The following LRRC37A2 variants were observed in gnomAD, a reference collection of about 807,000 sequenced individuals.
LRRC37A2 encodes the protein leucine rich repeat containing 37 member A2.
In LRRC37A2, 9 loss-of-function variants were observed where a neutral mutation model predicts 68.8. The ratio of observed to expected loss-of-function variants is 0.13; its 90% CI spans 0.08 to 0.23. The LOEUF is 0.23. LRRC37A2 is among the 10% of genes least tolerant of loss of function. LRRC37A2 has a pLI of 1.00. For missense variants in LRRC37A2, 168 were observed against 950.4 expected (o/e 0.18, Z 10.82); for synonymous variants, 63 against 367.6 (o/e 0.17, Z 9.48).
At chr17:46,993,737 C>T in the LRRC37A2 span, among the ~76,000 whole-genome samples, 1 of 152,210 alleles carries the variant, frequency 6.6e-6, no homozygotes, top group African/African-American at 2.4e-5. Context: ...TTCAAGTCTT[C>T]GTGGGGCTGC....
At chr17:46,731,062 A>G in the LRRC37A2 span, among the ~76,000 whole-genome samples, 1 of 152,200 alleles carries the variant, frequency 6.6e-6, no homozygotes, top group African/African-American at 2.4e-5. Context: ...TGTCCACATG[A>G]AAGCTTGTAT....
chr17:46,704,830 T>C, the LRRC37A2 span: 3 of 1,602,840 alleles, frequency 1.9e-6, no homozygotes, highest in South Asian at 3.4e-5. Flanking sequence ...ACTTCCTTGC[T>C]TCTTTGGAGA....
the LRRC37A2 span, among the ~76,000 whole-genome samples, chr17:46,867,531 C>T: frequency 6.6e-6 from 1 of 152,252 alleles, no homozygotes; most frequent in African/African-American, 2.4e-5. Flanking sequence ...CCTTGGGCCC[C>T]ACTCTCCAGG....
the LRRC37A2 span, among the ~76,000 whole-genome samples, chr17:46,893,100 A>C: frequency 6.6e-6 from 1 of 151,992 alleles, no homozygotes; most frequent in Non-Finnish European, 1.5e-5. Flanking sequence ...TGCCTGGCTA[A>C]TTTTTGTATT....
At chr17:46,790,177 G>A in the LRRC37A2 span, among the ~76,000 whole-genome samples, 38 of 152,158 alleles carry the variant, frequency 2.5e-4, no homozygotes, top group African/African-American at 7.9e-4. Context: ...CCATTCCTCC[G>A]CAGGCTCCTT....
chr17:46,568,530 C>T, the LRRC37A2 span, among the ~76,000 whole-genome samples: 3 of 102,894 alleles, frequency 2.9e-5, no homozygotes, highest in East Asian at 7.4e-4. Flanking sequence ...GGAGGCCAGG[C>T]GAGGTGGCTC....
At chr17:46,982,585 C>G in the LRRC37A2 span, among the ~76,000 whole-genome samples, 1 of 152,200 alleles carries the variant, frequency 6.6e-6, no homozygotes, top group Non-Finnish European at 1.5e-5. Flanking sequence ...TACTTAAGAT[C>G]ACGCAGCTAG....
chr17:46,779,101 A>ACACACACACACACACACACACC, the LRRC37A2 span, among the ~76,000 whole-genome samples: 1 of 139,974 alleles, frequency 7.1e-6, no homozygotes, highest in Non-Finnish European at 1.5e-5. Context: ...ACACACACAC[A>ACACACACACACACACACACACC]CACCCCAGCC....
intron 8 of LRRC37A2, among the ~76,000 whole-genome samples, chr17:46,545,814 G>C (rs1259011304): frequency 6.7e-5 from 10 of 149,390 alleles, no homozygotes; most frequent in Non-Finnish European, 1.5e-4. Context: ...TTTTAACTCC[G>C]CAATCCAGGT....
At chr17:46,497,412 T>G in the LRRC37A2 span, among the ~76,000 whole-genome samples, 4 of 146,650 alleles carry the variant, frequency 2.7e-5, no homozygotes, top group Non-Finnish European at 4.4e-5. Flanking sequence ...TAACTGAATA[T>G]TTTTTAGTGT....
chr17:46,962,621 C>T, the LRRC37A2 span, among the ~76,000 whole-genome samples: 36 of 152,296 alleles, frequency 2.4e-4, no homozygotes, highest in African/African-American at 6.7e-4. Context: ...GAGGAAATGC[C>T]ATGAGTTGAT....
the LRRC37A2 span, chr17:47,019,633 A>G: frequency 1.4e-6 from 2 of 1,432,840 alleles, no homozygotes; most frequent in East Asian, 4.5e-5. Context: ...ATCCAAGATA[A>G]GGCTTTAACT....
the LRRC37A2 span, among the ~76,000 whole-genome samples, chr17:46,896,474 A>AAGAAAGAAAGAC: frequency 7.6e-6 from 1 of 131,034 alleles, no homozygotes; most frequent in African/African-American, 3.9e-5. Flanking sequence ...GAAAGAAAGA[A>AAGAAAGAAAGAC]AGACAGACCA....
At chr17:46,970,480 C>T in the LRRC37A2 span, among the ~76,000 whole-genome samples, 1 of 138,674 alleles carries the variant, frequency 7.2e-6, no homozygotes, top group Non-Finnish European at 1.5e-5. Flanking sequence ...GCACAGGTTG[C>T]AGCAAGCCGA....
chr17:46,456,210 A>ATGTGTG, the LRRC37A2 span, among the ~76,000 whole-genome samples: 340 of 90,368 alleles, frequency 3.8e-3, no homozygotes, highest in East Asian at 0.023. Flanking sequence ...TCCATGGGAT[A>ATGTGTG]TGTGTGTGTG....
chr17:47,007,596 C>T, the LRRC37A2 span, among the ~76,000 whole-genome samples: 1 of 152,178 alleles, frequency 6.6e-6, no homozygotes, highest in African/African-American at 2.4e-5. Flanking sequence ...TCTGGAAAAT[C>T]AGATACATCA....
chr17:46,837,199 C>CG, the LRRC37A2 span, among the ~76,000 whole-genome samples: 2 of 152,126 alleles, frequency 1.3e-5, no homozygotes, highest in African/African-American at 4.8e-5. Flanking sequence ...CCGCGGCCCC[C>CG]CAAAGTGCTG....
the LRRC37A2 span, among the ~76,000 whole-genome samples, chr17:46,852,012 T>G: frequency 6.6e-6 from 1 of 151,972 alleles, no homozygotes; most frequent in Non-Finnish European, 1.5e-5. Flanking sequence ...CCTCGGACCC[T>G]GGCCCCGTCC....
the LRRC37A2 span, among the ~76,000 whole-genome samples, chr17:46,802,054 G>T: frequency 1.3e-5 from 2 of 152,118 alleles, no homozygotes; most frequent in African/African-American, 4.8e-5. Context: ...TTGTGTGCTC[G>T]CCTGTACGCA....
Sources: allele counts gnomAD v4.1 joint callset (sites outside exome capture counted in the v4.1 genomes callset), GRCh38; gene constraint gnomAD v4.1.1; transcripts MANE v1.5; gene names NCBI Gene and HGNC (gene_info 2026-07-23, HGNC 2026-07-21).